Variants in NAV3 observed in about 807,000 individuals in gnomAD.
NAV3 encodes pore membrane and/or filament interacting like protein 1.
In NAV3, 87 loss-of-function variants were observed where a neutral mutation model predicts 244.7. The ratio of observed to expected loss-of-function variants is 0.36; its 90% CI spans 0.30 to 0.42. The LOEUF (loss-of-function observed/expected upper bound fraction) is 0.42, where lower values mean the gene tolerates loss of function less well. NAV3 is among the 20% of genes least tolerant of loss of function. The pLI, the probability that NAV3 is intolerant of heterozygous loss-of-function variation, is 1.00. For missense variants in NAV3, 2,663 were observed against 2,893.3 expected (o/e 0.92, Z 1.83); for synonymous variants, 1,126 against 1,042.2 (o/e 1.08, Z -1.55).
chr12:78,048,712 G>A (rs965821906), intron 9 of NAV3, among the ~76,000 whole-genome samples: 12 of 152,214 alleles, frequency 7.9e-5, no homozygotes, highest in Non-Finnish European at 1.8e-4. Flanking sequence ...CCCACTTGAG[G>A]AGGCTGTCTG....
chr12:77,701,358 A>G (rs1305571752), intron 2 of NAV3, among the ~76,000 whole-genome samples: 1 of 151,948 alleles, frequency 6.6e-6, no homozygotes, highest in Non-Finnish European at 1.5e-5. Flanking sequence ...TATTCTCTGT[A>G]AGCTCCCATG....
intron 2 of NAV3, among the ~76,000 whole-genome samples, chr12:77,809,022 C>T (rs1019570635): frequency 6.6e-6 from 1 of 152,130 alleles, no homozygotes; most frequent in African/African-American, 2.4e-5. Flanking sequence ...GACCTCCCTT[C>T]CCCCAAGATC....
intron 2 of NAV3, among the ~76,000 whole-genome samples, chr12:77,750,052 G>T (rs534730746): frequency 6.6e-6 from 1 of 152,134 alleles, no homozygotes; most frequent in Non-Finnish European, 1.5e-5. Context: ...TTATGGGAAG[G>T]AGTAAAGATA....
intron 2 of NAV3, among the ~76,000 whole-genome samples, chr12:77,713,511 A>C (rs528152430): frequency 6.6e-6 from 1 of 152,196 alleles, no homozygotes. Context: ...TTTAAGTGAA[A>C]GTGAATGAAT....
intron 1 of NAV3, among the ~76,000 whole-genome samples, chr12:77,893,090 C>G (rs1050897387): frequency 6.6e-6 from 1 of 152,038 alleles, no homozygotes; most frequent in East Asian, 1.9e-4. Context: ...ATAAGAATTT[C>G]CTCTATCTCT....
At chr12:77,899,931 T>A (rs1354949443) in intron 1 of NAV3, among the ~76,000 whole-genome samples, 3 of 152,166 alleles carry the variant, frequency 2.0e-5, no homozygotes, top group Non-Finnish European at 4.4e-5. Context: ...GCTTGTTACA[T>A]GGGTATATTG....
At chr12:77,786,103 A>T (rs1870893021) in intron 2 of NAV3, among the ~76,000 whole-genome samples, 1 of 152,140 alleles carries the variant, frequency 6.6e-6, no homozygotes, top group Non-Finnish European at 1.5e-5. Context: ...CCTTGCAGTT[A>T]AGATTTTTGC....
At chr12:77,984,335 C>T (rs2448227) in intron 5 of NAV3, among the ~76,000 whole-genome samples, 19,717 of 152,108 alleles carry the variant, frequency 0.13, 1,394 homozygotes, top group East Asian at 0.3. Context: ...GTAAGAATAA[C>T]GTAACATCAA....
At position 77,760,565 on chromosome 12, in the gene NAV3, C is replaced by T. The variant is rs906275193; in HGVS notation, c.73-179754C>T. 3.3e-5 allele frequency among the ~76,000 whole-genome samples: 5 copies of T among 152,102 alleles called. No homozygotes were observed. The East Asian group carries it at 5.8e-4, about 18-fold the overall frequency. ...TTAGTCTAGCTGTCCGTAAGTAGAACGTCAAAGCCATCATTGTGAAGAAGT... is the reference window on the plus strand; with the variant it reads ...TTAGTCTAGCTGTCCGTAAGTAGAATGTCAAAGCCATCATTGTGAAGAAGT... On this transcript the variant is annotated intron_variant, in intron 2 of 8. Transcript: ENST00000550042.
intron 24 of NAV3, among the ~76,000 whole-genome samples, chr12:78,171,025 A>C (rs558775273): frequency 8.6e-5 from 13 of 151,716 alleles, no homozygotes; most frequent in Non-Finnish European, 1.8e-4. Context: ...TGCATGTAAC[A>C]GGGGTTTATT....
intron 9 of NAV3, among the ~76,000 whole-genome samples, chr12:78,046,590 G>A (rs968758461): frequency 3.9e-5 from 6 of 152,342 alleles, no homozygotes; most frequent in Admixed American, 1.3e-4. Context: ...ACTCTGGTCT[G>A]AGAGACTATT....
chr12:77,629,001 A>G (rs1194998080), intron 2 of NAV3, among the ~76,000 whole-genome samples: 1 of 152,198 alleles, frequency 6.6e-6, no homozygotes, highest in Non-Finnish European at 1.5e-5. Flanking sequence ...GAGATACTAA[A>G]TTTAATGTGC....
chr12:77,958,306 T>C (rs547785996), intron 3 of NAV3, among the ~76,000 whole-genome samples: 1 of 152,308 alleles, frequency 6.6e-6, no homozygotes, highest in South Asian at 2.1e-4. Flanking sequence ...ATAGTGGCTG[T>C]GTCTCGAAAT....
At position 77,940,587 on chromosome 12, in the gene NAV3, G is replaced by A. The variant is rs1054018158; in HGVS notation, c.361+151G>A. 87 of 646,122 alleles carry A rather than the reference G, an allele frequency of 1.3e-4. No individual in the cohort carries two copies. In the African/African-American group the frequency reaches 1.5e-3, roughly 11 times the overall value. The allele number at this position is 646,122 out of a possible 1,614,324, so 40.0% of individuals were successfully genotyped here. A position where few individuals can be genotyped will look rare whatever the true frequency, so the allele number is the denominator to read the frequency against. On this transcript the variant is annotated intron_variant, in intron 2 of 39. Transcript: ENST00000397909. ...TGATTTAATTAAAATGTTTATATGA[G>A]GATGTTTGAAAAAGGCAGTTTGGCC... is the stretch of plus-strand genomic sequence containing the variant.
intron 2 of NAV3, among the ~76,000 whole-genome samples, chr12:77,769,221 A>T (rs1869945584): frequency 6.6e-6 from 1 of 152,228 alleles, no homozygotes; most frequent in Non-Finnish European, 1.5e-5. Context: ...TAGTTGCTGC[A>T]TGTTTATGAA....
intron 27 of NAV3, 38 bp downstream of exon 27, chr12:78,177,351 T>A: frequency 1.3e-6 from 2 of 1,585,302 alleles, no homozygotes; most frequent in Non-Finnish European, 1.7e-6. Flanking sequence ...ACATATTTTT[T>A]AAAAACAATT....
chr12:77,791,722 G>T (rs1871184731), intron 2 of NAV3, among the ~76,000 whole-genome samples: 1 of 152,104 alleles, frequency 6.6e-6, no homozygotes. Context: ...CCCATTCGTA[G>T]ATTCAAACAA....
Position 77,865,011 on chromosome 12 carries a change from T to G in NAV3, c.243+33307T>G, listed in dbSNP as rs1216451221. On this transcript the variant is annotated intron_variant, in intron 1 of 39. Transcript: ENST00000397909. ...GATTAGCCTCCTGGAATTGGGCATA[T>G]TTTATGTTTTATTCTAATCACTTAT... Among the ~76,000 whole-genome samples, 4 of 152,004 alleles carry G rather than the reference T, an allele frequency of 2.6e-5. No homozygotes were observed. The East Asian group carries it at 5.8e-4, about 22-fold the overall frequency.
At chr12:77,586,915 G>A (rs1239817603) in intron 2 of NAV3, among the ~76,000 whole-genome samples, 1 of 152,166 alleles carries the variant, frequency 6.6e-6, no homozygotes, top group Non-Finnish European at 1.5e-5. Context: ...TTAGGAGAAT[G>A]AGAATCAGAG....
Sources: gnomAD v4.1 joint callset for allele counts (sites outside exome capture counted in the v4.1 genomes callset) on GRCh38, gnomAD v4.1.1 for gene constraint, MANE v1.5 for transcripts, NCBI Gene and HGNC (gene_info 2026-07-23, HGNC 2026-07-21) for gene names.